The following PACRG variants were observed in gnomAD, a reference collection of about 807,000 sequenced individuals.
PACRG encodes the protein parkin coregulated.
PACRG carries 29 observed loss-of-function variants against 29.7 expected under a neutral mutation model. The observed-to-expected ratio is 0.98, with a 90% CI of 0.73 to 1.33. PACRG has a LOEUF of 1.33. PACRG is among the 40% of genes most tolerant of loss of function. PACRG has a pLI of 0.00. For synonymous variants in PACRG, 116 were observed against 118.7 expected, an observed-to-expected ratio of 0.98 and a Z score of 0.15; for missense variants, 279 against 316.2, an observed-to-expected ratio of 0.88 and a Z score of 0.89.
At chr6:162,972,087 C>T (rs1801579842) in intron 2 of PACRG, among the ~76,000 whole-genome samples, 1 of 152,226 alleles carries the variant, frequency 6.6e-6, no homozygotes. Flanking sequence ...GGTCAGAGAT[C>T]TGAAACCCAG....
At chr6:163,212,878 A>T (rs1781209070) in intron 4 of PACRG, among the ~76,000 whole-genome samples, 1 of 151,572 alleles carries the variant, frequency 6.6e-6, no homozygotes, top group Admixed American at 6.6e-5. Context: ...TCCCAGGTTC[A>T]TGCCATTCTC....
chr6:162,730,062 T>TCTCC (rs749117675), intron 1 of PACRG, among the ~76,000 whole-genome samples: 1 of 132,294 alleles, frequency 7.6e-6, no homozygotes, highest in Non-Finnish European at 1.6e-5. Flanking sequence ...CAACTGTCTC[T>TCTCC]CTTTTTTTTT....
At chr6:163,024,896 T>A (rs1357834363) in intron 2 of PACRG, among the ~76,000 whole-genome samples, 1 of 152,150 alleles carries the variant, frequency 6.6e-6, no homozygotes, top group Non-Finnish European at 1.5e-5. Context: ...TAGGCTTTAT[T>A]TCTGGGATGC....
intron 2 of PACRG, among the ~76,000 whole-genome samples, chr6:162,897,122 G>C (rs971675161): frequency 6.6e-6 from 1 of 152,126 alleles, no homozygotes; most frequent in African/African-American, 2.4e-5. Context: ...TAGTTCCTGG[G>C]CAACAAAACT....
At chr6:163,182,569 C>CTG (rs1779723260) in intron 4 of PACRG, 1 of 152,194 alleles carries the variant, frequency 6.6e-6, no homozygotes, top group African/African-American at 2.4e-5. Context: ...GTCTCTTTTA[C>CTG]ATTCAGCAGG....
intron 4 of PACRG, among the ~76,000 whole-genome samples, chr6:163,220,222 G>A (rs1291429314): frequency 6.6e-6 from 1 of 152,084 alleles, no homozygotes; most frequent in Non-Finnish European, 1.5e-5. Context: ...GGGTGGGGGA[G>A]TGCAGGAAGG....
At chr6:162,959,072 C>A (rs1199276747) in intron 2 of PACRG, among the ~76,000 whole-genome samples, 1 of 141,986 alleles carries the variant, frequency 7.0e-6, no homozygotes, top group Non-Finnish European at 1.5e-5. Context: ...CGACACCATG[C>A]CTGGCTAACT....
At chr6:163,053,247 A>T (rs1345993161) in intron 2 of PACRG, among the ~76,000 whole-genome samples, 1 of 152,212 alleles carries the variant, frequency 6.6e-6, no homozygotes, top group East Asian at 1.9e-4. Context: ...GGAGCCAGCA[A>T]TTGAGAAGAA....
In PACRG at chr6:163,229,861, C is replaced by T. The variant is rs144402134; in HGVS notation, c.614-84966C>T. On this transcript the variant is annotated intron_variant, in intron 4 of 4. Transcript: ENST00000366888. The stretch of plus-strand genomic sequence containing the variant: ...CAAGATGCCCAGAACTGTCTCCAGG[C>T]GACAGCAGAGGTCAATTTCAGGTCC... Among the ~76,000 whole-genome samples, 9 of 152,318 alleles carry T rather than the reference C, an allele frequency of 5.9e-5. No individual in the cohort carries two copies. The East Asian group carries it at 7.7e-4, about 13-fold the overall frequency.
Position 163,047,287 on chromosome 6 carries a change from T to C in PACRG, c.292-14863T>C, listed in dbSNP as rs151205382. On this transcript the variant is annotated intron_variant, in intron 2 of 4. Coordinates refer to ENST00000366888, the MANE Select transcript of PACRG (RefSeq NM_001080379.2). ...CTCTACCTCTGACCAAAGTATACTATTTTTAGCATTATACAGATATGTGAT... is the reference window on the plus strand; with the variant it reads ...CTCTACCTCTGACCAAAGTATACTACTTTTAGCATTATACAGATATGTGAT... Among the ~76,000 whole-genome samples, 631 of 152,342 alleles carry C rather than the reference T, an allele frequency of 4.1e-3. 9 individuals are homozygous for C. The highest frequency in any genetic ancestry group is 0.023 in the Admixed American group (352 of 15,306).
At chr6:162,851,306 T>C (rs1283825334) in intron 2 of PACRG, among the ~76,000 whole-genome samples, 1 of 152,202 alleles carries the variant, frequency 6.6e-6, no homozygotes, top group Non-Finnish European at 1.5e-5. Flanking sequence ...GCTCGGCTCC[T>C]GCTGTCTCTT....
chr6:163,028,089 A>G (rs1415756172), intron 2 of PACRG, among the ~76,000 whole-genome samples: 2 of 152,188 alleles, frequency 1.3e-5, no homozygotes, highest in African/African-American at 4.8e-5. Flanking sequence ...ACTAACCCCA[A>G]AAGAGGCCGG....
At chr6:163,306,685 G>A (rs1244696895) in intron 4 of PACRG, among the ~76,000 whole-genome samples, 1 of 152,120 alleles carries the variant, frequency 6.6e-6, no homozygotes, top group African/African-American at 2.4e-5. Context: ...GGTCTTTTCA[G>A]GTTTTCTTAG....
intron 4 of PACRG, among the ~76,000 whole-genome samples, chr6:163,234,168 G>A (rs1782147029): frequency 6.6e-6 from 1 of 152,094 alleles, no homozygotes; most frequent in African/African-American, 2.4e-5. Flanking sequence ...GTTTGGGTAT[G>A]GTTTGGATAT....
intron 2 of PACRG, among the ~76,000 whole-genome samples, chr6:162,870,408 G>A (rs935882127): frequency 2.0e-5 from 3 of 152,216 alleles, no homozygotes; most frequent in African/African-American, 7.2e-5. Context: ...GCTACCACAC[G>A]TACATTTCTT....
chr6:163,277,269 CCT>C (rs1217082555), intron 4 of PACRG, among the ~76,000 whole-genome samples: 1 of 152,010 alleles, frequency 6.6e-6, no homozygotes, highest in African/African-American at 2.4e-5. Flanking sequence ...TACCCTTCCC[CCT>C]GAGTCCCCAA....
intron 2 of PACRG, among the ~76,000 whole-genome samples, chr6:162,845,523 T>C (rs1377521369): frequency 6.6e-6 from 1 of 152,186 alleles, no homozygotes; most frequent in East Asian, 1.9e-4. Context: ...TTTAGACATT[T>C]CTTGTATATA....
chr6:162,869,213 T>C (rs1249205827), intron 2 of PACRG, among the ~76,000 whole-genome samples: 1 of 152,144 alleles, frequency 6.6e-6, no homozygotes, highest in African/African-American at 2.4e-5. Flanking sequence ...GGCTCCAAGA[T>C]CCCTCTGGCT....
intron 4 of PACRG, chr6:163,095,351 T>A: frequency 1.0e-6 from 1 of 985,386 alleles, no homozygotes; most frequent in Non-Finnish European, 1.2e-6. Context: ...TGGTTGCGCC[T>A]GCCCGGAGGG....
Sources: gnomAD v4.1 joint callset for allele counts (sites outside exome capture counted in the v4.1 genomes callset) on GRCh38, gnomAD v4.1.1 for gene constraint, MANE v1.5 for transcripts, NCBI Gene and HGNC (gene_info 2026-07-23, HGNC 2026-07-21) for gene names.